Variants in COPS5 observed in about 807,000 individuals in gnomAD.
COPS5 encodes the protein COP9 signalosome complex subunit 5.
COPS5 carries 8 observed loss-of-function variants against 44.4 expected under a neutral mutation model. That is an observed-to-expected ratio of 0.18 (90% CI 0.11 to 0.32). The LOEUF is 0.32. Ranked by LOEUF, COPS5 falls within the 10% of genes least tolerant of loss-of-function variation. COPS5 has a pLI of 1.00. For missense variants in COPS5, 159 were observed against 406.4 expected (o/e 0.39, Z 5.23); for synonymous variants, 122 against 142.8 (o/e 0.85, Z 1.04).
In COPS5 at chr8:67,050,771, A is replaced by G. The variant is rs545201636; in HGVS notation, c.771+459T>C. On this transcript the variant is annotated intron_variant, in intron 6 of 7. Coordinates refer to ENST00000357849, the MANE Select transcript of COPS5 (RefSeq NM_006837.3). ...TGAAATCAATGCTAAGAGAAAGAAA[A>G]AAAAAAAAAAGACCTCATAATATTG... 4.6e-5 allele frequency among the ~76,000 whole-genome samples: 7 copies of G among 151,908 alleles called. No homozygotes were observed. The East Asian group carries it at 5.8e-4, about 13-fold the overall frequency.
chr8:67,061,540 A>G (rs766557486), intron 1 of COPS5: 1 of 441,006 alleles, frequency 2.3e-6, no homozygotes, highest in Non-Finnish European at 4.3e-6. Context: ...AGACCCAAAC[A>G]AGGTGCATGT....
chr8:67,047,641 C>T (rs906667617), intron 6 of COPS5: 1 of 517,996 alleles, frequency 1.9e-6, no homozygotes, highest in Admixed American at 3.1e-5. Context: ...TAAAATGCTG[C>T]AATGTACTAT....
chr8:67,049,119 T>C (rs1816736729), intron 6 of COPS5, among the ~76,000 whole-genome samples: 1 of 152,226 alleles, frequency 6.6e-6, no homozygotes, highest in African/African-American at 2.4e-5. Context: ...GGCATTTCAA[T>C]AGTGATTTAC....
intron 1 of COPS5, 55 bp from the exon 2 acceptor site, chr8:67,059,500 A>G: frequency 7.5e-7 from 1 of 1,339,126 alleles, no homozygotes; most frequent in South Asian, 1.2e-5. Flanking sequence ...AAAATTTCAG[A>G]AAAGTTTTTA....
intron 7 of COPS5, chr8:67,044,621 CAG>C (rs1816677389): frequency 1.3e-5 from 2 of 149,718 alleles, no homozygotes; most frequent in South Asian, 4.2e-4. Context: ...TTTTTGGAGA[CAG>C]AGTTTCGCTC....
intron 5 of COPS5, among the ~76,000 whole-genome samples, chr8:67,053,729 G>A (rs997350244): frequency 2.7e-5 from 4 of 149,630 alleles, no homozygotes; most frequent in South Asian, 4.3e-4. Flanking sequence ...TTTTTGGGCC[G>A]GGCACGGTGG....
chr8:67,058,343 G>A (rs891468298), intron 2 of COPS5, 132 bp from the exon 3 acceptor site: 14 of 764,566 alleles, frequency 1.8e-5, no homozygotes, highest in African/African-American at 1.6e-4. Flanking sequence ...GCCCAGATGC[G>A]AAATCTATGG....
At chr8:67,058,416 T>C (rs762127052) in intron 2 of COPS5, among the ~76,000 whole-genome samples, 7 of 152,216 alleles carry the variant, frequency 4.6e-5, no homozygotes, top group Non-Finnish European at 1.5e-5. Flanking sequence ...TGCACATACA[T>C]AGATTGATAA....
At chr8:67,050,309 T>C (rs191534835) in intron 6 of COPS5, among the ~76,000 whole-genome samples, 12 of 152,360 alleles carry the variant, frequency 7.9e-5, no homozygotes, top group Admixed American at 2.6e-4. Flanking sequence ...CCTCTTTTTT[T>C]TTCTCCTAGT....
intron 6 of COPS5, among the ~76,000 whole-genome samples, chr8:67,048,583 G>C (rs556689835): frequency 4.0e-5 from 6 of 151,870 alleles, no homozygotes; most frequent in Non-Finnish European, 7.4e-5. Context: ...GGGCGTGGTG[G>C]CACGCACCTG....
At chr8:67,056,208 T>TA (rs1165257992) in intron 5 of COPS5, among the ~76,000 whole-genome samples, 1 of 152,180 alleles carries the variant, frequency 6.6e-6, no homozygotes, top group Admixed American at 6.5e-5. Flanking sequence ...TAAATTCATA[T>TA]ACTATTATTG....
intron 5 of COPS5, among the ~76,000 whole-genome samples, chr8:67,054,004 TAAAAAAAAAAA>T (rs1205430314): frequency 7.8e-6 from 1 of 128,718 alleles, no homozygotes; most frequent in Non-Finnish European, 1.7e-5. Context: ...AGACTCCATT[TAAAAAAAAAAA>T]AAAAAAAAGA....
At chr8:67,059,784 C>T in intron 1 of COPS5, 1 of 273,892 alleles carries the variant, frequency 3.7e-6, no homozygotes, top group Non-Finnish European at 7.1e-6. Flanking sequence ...GATGGTTGTG[C>T]CTAACTGTTC....
intron 1 of COPS5, chr8:67,060,501 TG>T: frequency 2.3e-6 from 3 of 1,289,304 alleles, no homozygotes; most frequent in Non-Finnish European, 3.0e-6. Context: ...GTAGACCTCA[TG>T]TTGGAAGTCA....
chr8:67,059,397 C>T lies in COPS5; in HGVS notation c.192G>A (p.Lys64=). The T allele has an allele frequency of 3.7e-6, 6 of 1,614,236 alleles. No individual in the cohort carries two copies. The highest frequency in any genetic ancestry group is 5.1e-6 in the Non-Finnish European group (6 of 1,180,036). Residue 64 remains lysine, a synonymous_variant, in exon 2 of 8, where the codon AAG becomes AAA. Transcript: ENST00000357849. ...CTCCCGATCTGGCATGCATCACCAT[C>T]TTCAGCAGAGCCAATGCTGAGATTT... The part of the protein sequence containing the change: ...YCKISALALL[K]MVMHARSGGN...
intron 4 of COPS5, 75 bp downstream of exon 4, chr8:67,057,305 T>C (rs1007501428): frequency 4.8e-5 from 45 of 939,810 alleles, no homozygotes; most frequent in South Asian, 1.5e-5. Context: ...ACTATGATCA[T>C]GCCTGTGAAT....
chr8:67,058,592 A>G (rs1015596102), intron 2 of COPS5, among the ~76,000 whole-genome samples: 1 of 152,084 alleles, frequency 6.6e-6, no homozygotes, highest in Non-Finnish European at 1.5e-5. Context: ...ACTGATGGAT[A>G]TACCATAATT....
intron 6 of COPS5, chr8:67,047,767 C>T (rs1563444157): frequency 8.5e-6 from 6 of 701,900 alleles, no homozygotes; most frequent in Non-Finnish European, 1.6e-5. Context: ...GATCTGCTTG[C>T]CTCATACAAA....
intron 6 of COPS5, among the ~76,000 whole-genome samples, chr8:67,049,263 C>T (rs922407641): frequency 2.0e-5 from 3 of 152,098 alleles, no homozygotes; most frequent in South Asian, 2.1e-4. Flanking sequence ...AGGAGTTCAA[C>T]GCCAGCTTGG....
Sources: allele counts gnomAD v4.1 joint callset (sites outside exome capture counted in the v4.1 genomes callset), GRCh38; gene constraint gnomAD v4.1.1; transcripts MANE v1.5; gene names NCBI Gene and HGNC (gene_info 2026-07-23, HGNC 2026-07-21).